The following KLHL29 variants were observed in gnomAD, a reference collection of about 807,000 sequenced individuals.
KLHL29 encodes the protein kelch like family member 29, also known as kelch-like protein 29.
KLHL29 carries 21 observed loss-of-function variants against 80.4 expected under a neutral mutation model. The observed-to-expected ratio is 0.26, with a 90% CI of 0.19 to 0.38. The LOEUF is 0.38. KLHL29 is among the 10% of genes least tolerant of loss of function. KLHL29 has a pLI of 1.00. For missense variants in KLHL29, 867 were observed against 1,223.9 expected (o/e 0.71, Z 4.35); for synonymous variants, 511 against 526.8 (o/e 0.97, Z 0.41).
intron 1 of KLHL29, among the ~76,000 whole-genome samples, chr2:23,453,185 T>C (rs1215223580): frequency 6.6e-6 from 1 of 151,924 alleles, no homozygotes; most frequent in East Asian, 1.9e-4. Flanking sequence ...GACTTGAGGG[T>C]TTAGACAGTG....
intron 3 of KLHL29, among the ~76,000 whole-genome samples, chr2:23,564,061 C>T (rs955794904): frequency 7.2e-5 from 11 of 152,228 alleles, no homozygotes; most frequent in Non-Finnish European, 1.5e-4. Flanking sequence ...GAATGGCAGC[C>T]GCTGGAACCG....
chr2:23,642,982 G>A (rs1316279998), intron 5 of KLHL29, 132 bp downstream of exon 5: 7 of 1,076,472 alleles, frequency 6.5e-6, no homozygotes, highest in Non-Finnish European at 9.8e-6. Context: ...AGAGGCTGCA[G>A]TGGAGCCTCC....
chr2:23,507,446 C>T (rs1665636150), intron 2 of KLHL29, among the ~76,000 whole-genome samples: 1 of 152,212 alleles, frequency 6.6e-6, no homozygotes, highest in African/African-American at 2.4e-5. Context: ...GGTGTCCTTC[C>T]GTCCTTCCCT....
At chr2:23,703,098 G>A in intron 11 of KLHL29, 88 bp from the exon 12 acceptor site, 1 of 955,346 alleles carries the variant, frequency 1.0e-6, no homozygotes, top group Non-Finnish European at 1.5e-6. Flanking sequence ...AGGGCGAGGA[G>A]CAGATGGCAG....
intron 2 of KLHL29, among the ~76,000 whole-genome samples, chr2:23,548,882 CCT>C (rs903648075): frequency 6.6e-6 from 1 of 152,162 alleles, no homozygotes; most frequent in African/African-American, 2.4e-5. Flanking sequence ...TTACAGCCCC[CCT>C]GCCCTGGGAG....
At chr2:23,475,896 A>G (rs1023009898) in intron 2 of KLHL29, among the ~76,000 whole-genome samples, 3 of 152,314 alleles carry the variant, frequency 2.0e-5, no homozygotes, top group African/African-American at 4.8e-5. Flanking sequence ...GAGAATATCT[A>G]TGACTCTTTT....
chr2:23,386,858 G>C (rs1346844273), intron 1 of KLHL29, among the ~76,000 whole-genome samples: 1 of 152,110 alleles, frequency 6.6e-6, no homozygotes. Flanking sequence ...GCGGGGACGC[G>C]CTGCCTGCCT....
chr2:23,571,356 T>G (rs1667712769), intron 3 of KLHL29, among the ~76,000 whole-genome samples: 1 of 152,244 alleles, frequency 6.6e-6, no homozygotes, highest in Non-Finnish European at 1.5e-5. Flanking sequence ...CAAAGTGACC[T>G]CGTGGTCTGT....
intron 3 of KLHL29, among the ~76,000 whole-genome samples, chr2:23,581,828 CAAAAA>C (rs58233449): frequency 2.4e-5 from 2 of 82,908 alleles, no homozygotes; most frequent in Non-Finnish European, 4.4e-5. Flanking sequence ...AACTCTGCCT[CAAAAA>C]AAAAAAAAAA....
At chr2:23,650,888 G>A (rs191741741) in intron 5 of KLHL29, among the ~76,000 whole-genome samples, 5 of 152,268 alleles carry the variant, frequency 3.3e-5, no homozygotes, top group Admixed American at 1.3e-4. Context: ...AGGCCATGGC[G>A]TGGTATGTGT....
At chr2:23,499,736 C>G (rs536073925) in intron 2 of KLHL29, among the ~76,000 whole-genome samples, 1 of 152,160 alleles carries the variant, frequency 6.6e-6, no homozygotes, top group Non-Finnish European at 1.5e-5. Context: ...TCTGCCAGAC[C>G]CCAGGGCAGT....
chr2:23,446,661 A>G (rs986399391), intron 1 of KLHL29, among the ~76,000 whole-genome samples: 1 of 152,220 alleles, frequency 6.6e-6, no homozygotes, highest in Admixed American at 6.5e-5. Flanking sequence ...GGGATGTGCT[A>G]AGGAAAAGCC....
At chr2:23,435,944 C>T (rs930851151) in intron 1 of KLHL29, among the ~76,000 whole-genome samples, 1 of 149,346 alleles carries the variant, frequency 6.7e-6, no homozygotes, top group African/African-American at 2.5e-5. Context: ...TGTTTCCCTC[C>T]TGGCTCTTCC....
intron 3 of KLHL29, among the ~76,000 whole-genome samples, chr2:23,579,001 G>T (rs983444226): frequency 6.6e-6 from 1 of 152,206 alleles, no homozygotes; most frequent in Non-Finnish European, 1.5e-5. Context: ...TCTATCTGAT[G>T]TTCTCAAGCC....
intron 1 of KLHL29, among the ~76,000 whole-genome samples, chr2:23,456,488 G>A (rs566338149): frequency 1.4e-4 from 22 of 152,320 alleles, no homozygotes; most frequent in African/African-American, 4.1e-4. Context: ...TCTCTTTTCC[G>A]TGGATCTTCA....
chr2:23,557,807 G>A (rs1427719168), intron 2 of KLHL29, among the ~76,000 whole-genome samples: 7 of 152,122 alleles, frequency 4.6e-5, no homozygotes, highest in Non-Finnish European at 4.4e-5. Flanking sequence ...CGATATGTGA[G>A]GTTGTGTTGT....
intron 2 of KLHL29, among the ~76,000 whole-genome samples, chr2:23,484,483 C>T (rs767256803): frequency 1.6e-4 from 24 of 152,214 alleles, no homozygotes; most frequent in Non-Finnish European, 2.8e-4. Flanking sequence ...ACAATTAACC[C>T]GGCACTCCGT....
At chr2:23,388,169 G>A (rs1666231884) in intron 1 of KLHL29, among the ~76,000 whole-genome samples, 1 of 152,108 alleles carries the variant, frequency 6.6e-6, no homozygotes, top group Admixed American at 6.5e-5. Context: ...TCTAATGAGT[G>A]GTGGTCATAC....
At chr2:23,467,677 T>C (rs904036127) in intron 1 of KLHL29, among the ~76,000 whole-genome samples, 1 of 152,140 alleles carries the variant, frequency 6.6e-6, no homozygotes, top group Admixed American at 6.5e-5. Context: ...AAAGGCAGAA[T>C]CATGAAATAG....
Sources: gnomAD v4.1 joint callset for allele counts (sites outside exome capture counted in the v4.1 genomes callset) on GRCh38, gnomAD v4.1.1 for gene constraint, MANE v1.5 for transcripts, NCBI Gene and HGNC (gene_info 2026-07-23, HGNC 2026-07-21) for gene names.